PCDHGA9: variants seen among roughly 807,000 people sequenced by gnomAD.
PCDHGA9 encodes the protein protocadherin gamma-A9.
Under a neutral mutation model 62.5 loss-of-function variants are expected in PCDHGA9, and 37 were observed. The ratio of observed to expected loss-of-function variants is 0.59; its 90% confidence interval spans 0.46 to 0.78. The LOEUF (loss-of-function observed/expected upper bound fraction) is 0.78. PCDHGA9 is among the 30% of genes least tolerant of loss of function. The pLI is 0.00. For synonymous variants in PCDHGA9, 459 were observed against 484.6 expected, an observed-to-expected ratio of 0.95 and a Z score of 0.69; for missense variants, 1,138 against 1,166.2, an observed-to-expected ratio of 0.98 and a Z score of 0.35.
intron 1 of PCDHGA9, chr5:141,419,373 T>C: frequency 1.9e-6 from 3 of 1,613,754 alleles, no homozygotes; most frequent in Non-Finnish European, 2.5e-6. Context: ...TCGTCCTACG[T>C]GTCCGTGAGC....
chr5:141,460,912 G>GTGTA (rs145509489), intron 1 of PCDHGA9, among the ~76,000 whole-genome samples: 34,285 of 149,232 alleles, frequency 0.23, 4,672 homozygotes, highest in African/African-American at 0.39. Flanking sequence ...ATTCCATGGT[G>GTGTA]TATATATATA....
At chr5:141,423,577 G>T (rs1348410879) in intron 1 of PCDHGA9, 1 of 1,613,478 alleles carries the variant, frequency 6.2e-7, no homozygotes, top group Admixed American at 1.7e-5. Flanking sequence ...CATCAGCCAG[G>T]AGAGCTGTGA....
chr5:141,426,676 A>T (rs1209949988), intron 1 of PCDHGA9: 4 of 431,700 alleles, frequency 9.3e-6, no homozygotes, highest in Non-Finnish European at 1.9e-5. Context: ...AACCCACCTC[A>T]TTTTCCCCAA....
chr5:141,403,611 C>T lies in PCDHGA9; in HGVS notation c.659C>T (p.Pro220Leu). ...CTCACGGCCTCGGATGGCGGCGAGCCGCGTCGCTCCAGCACAGTGCGCATC... is the reference window on the plus strand; with the variant it reads ...CTCACGGCCTCGGATGGCGGCGAGCTGCGTCGCTCCAGCACAGTGCGCATC... ...LVLTASDGGE[P>L]RRSSTVRIHV... Residue 220 changes from proline (P) to leucine (L), a missense_variant, in exon 1 of 4, where the codon CCG becomes CTG. By Grantham distance (98) the Pro-to-Leu change is moderately conservative. Transcript: ENST00000573521. 6.2e-7 allele frequency: 1 copy of T among 1,613,860 alleles called. No homozygotes were observed.
At chr5:141,469,191 G>A (rs1431459571) in intron 1 of PCDHGA9, among the ~76,000 whole-genome samples, 1 of 151,882 alleles carries the variant, frequency 6.6e-6, no homozygotes, top group Admixed American at 6.6e-5. Flanking sequence ...CAAGAGGATT[G>A]CTTGAGCCTT....
intron 1 of PCDHGA9, among the ~76,000 whole-genome samples, chr5:141,433,809 C>A (rs913637407): frequency 5.3e-5 from 8 of 149,948 alleles, no homozygotes; most frequent in Non-Finnish European, 1.2e-4. Flanking sequence ...TGCACTCCAG[C>A]CTGGGCAACA....
intron 1 of PCDHGA9, chr5:141,427,741 C>T (rs748636652): frequency 8.1e-7 from 1 of 1,240,376 alleles, no homozygotes; most frequent in Non-Finnish European, 1.2e-6. Context: ...GGCCAAGTCT[C>T]CTACTCCATC....
chr5:141,478,517 T>G (rs1593923092), intron 1 of PCDHGA9: 1 of 1,611,116 alleles, frequency 6.2e-7, no homozygotes, highest in Non-Finnish European at 8.5e-7. Context: ...TAGGCAGGTG[T>G]TGGGTGCAGA....
intron 1 of PCDHGA9, chr5:141,423,623 C>T (rs1391650851): frequency 6.2e-7 from 1 of 1,607,330 alleles, no homozygotes; most frequent in South Asian, 1.1e-5. Context: ...GAAGACTCAG[C>T]TATCATTTTA....
intron 1 of PCDHGA9, chr5:141,410,353 C>T: frequency 1.9e-6 from 3 of 1,614,078 alleles, no homozygotes; most frequent in Non-Finnish European, 2.5e-6. Flanking sequence ...GCCTGCGACG[C>T]TCTCTCAGCC....
chr5:141,431,584 G>A lies in PCDHGA9; in HGVS notation c.2424+26208G>A, dbSNP rs201462681. 7 of 1,614,074 alleles carry A rather than the reference G, an allele frequency of 4.3e-6. No homozygotes were observed. The African/African-American group carries it at 9.3e-5, about 22-fold the overall frequency. On this transcript the variant is annotated intron_variant, in intron 1 of 3. Coordinates refer to ENST00000573521, the MANE Select transcript of PCDHGA9 (RefSeq NM_018921.3). The surrounding 1 kb of genome is among the most constrained non-coding windows in gnomAD (Gnocchi z 4.8). ...CCGACCCTGACGAAGGAGTCAATGC[G>A]GAAGTGAGGTATTCCTTCCGGTATG... is the stretch of plus-strand genomic sequence containing the variant.
rs764843194 is a variant in PCDHGA9 at position 141,490,530 on chromosome 5, T to A, written c.2425-4277T>A. 1.2e-6 allele frequency: 2 copies of A among 1,613,794 alleles called. No individual in the cohort carries two copies. Among genetic ancestry groups the A allele is most frequent in the African/African-American group, 2.7e-5 (2 of 74,846 alleles). ...TCGAGCTGCTGGCCAGCGATGCTGG[T>A]TCACCTTCCCTACACAAACATCTCA... On this transcript the variant is annotated intron_variant, in intron 1 of 3. Coordinates refer to ENST00000573521, the MANE Select transcript of PCDHGA9 (RefSeq NM_018921.3). This position sits in a 1 kb window ranked among gnomAD's most constrained non-coding sequence, Gnocchi z 5.4.
intron 1 of PCDHGA9, among the ~76,000 whole-genome samples, chr5:141,438,591 CATATAT>C (rs946798767): frequency 1.2e-3 from 91 of 75,538 alleles, no homozygotes; most frequent in Non-Finnish European, 1.7e-3. Flanking sequence ...TACATACATA[CATATAT>C]ATATATATAT....
rs755177334 is a variant in PCDHGA9, at chr5:141,403,403, C to G, written c.451C>G (p.Arg151Gly). 2 of 1,614,066 alleles carry G rather than the reference C, an allele frequency of 1.2e-6. No homozygotes were observed. The highest frequency in any genetic ancestry group is 1.7e-6 in the Non-Finnish European group (2 of 1,179,908). The stretch of plus-strand genomic sequence containing the variant: ...TAACGAAATCGCGGTTCCTGGAGCA[C>G]GTTATCCACTTCCAGAAGCTATTGA... ...KINEIAVPGA[R>G]YPLPEAIDPD... is the part of the protein sequence containing the mutation. Residue 151 changes from arginine to glycine, a missense_variant, in exon 1 of 4, where the codon CGT becomes GGT. Arg to Gly is a moderately radical substitution (Grantham distance 125). Coordinates refer to ENST00000573521, the MANE Select transcript of PCDHGA9 (RefSeq NM_018921.3).
Position 141,489,352 on chromosome 5 carries a change from G to A in PCDHGA9, c.2425-5455G>A, listed in dbSNP as rs1336068787. 1.9e-6 allele frequency: 3 copies of A among 1,612,152 alleles called. No homozygotes were observed. In the Admixed American group the frequency reaches 5.0e-5, roughly 27 times the overall value. On this transcript the variant is annotated intron_variant, in intron 1 of 3. Transcript: ENST00000573521. The surrounding 1 kb of genome is among the most constrained non-coding windows in gnomAD (Gnocchi z 4.5). ...GCAGCTTCGTTACTCAGTGGTGGAG[G>A]AGTCTGAGCCGGGGACGCTGGTGGG...
chr5:141,505,413 C>T lies in PCDHGA9; in HGVS notation c.2504C>T (p.Thr835Ile), dbSNP rs1240988786. ...CCCAGCTCCCAAAATGGCGATGACA[C>T]CGGCACCTGGCCCAACAACCAGTTT... is the stretch of plus-strand genomic sequence containing the variant. ...GTSGSQNGDD[T>I]GTWPNNQFDT... Residue 835 changes from threonine to isoleucine, a missense_variant, in exon 3 of 4, where the codon ACC becomes ATC. By Grantham distance (89) the Thr-to-Ile change is moderately conservative. Coordinates refer to ENST00000573521, the MANE Select transcript of PCDHGA9 (RefSeq NM_018921.3). 10 of 1,614,202 alleles carry T rather than the reference C, an allele frequency of 6.2e-6. No homozygotes were observed. Among genetic ancestry groups the T allele is most frequent in the Non-Finnish European group, 7.6e-6 (9 of 1,180,046 alleles).
intron 1 of PCDHGA9, among the ~76,000 whole-genome samples, chr5:141,481,215 G>T (rs1238465869): frequency 6.6e-6 from 1 of 152,152 alleles, no homozygotes; most frequent in Non-Finnish European, 1.5e-5. Context: ...AACATGGTAA[G>T]GTCTCCCAGC....
At position 141,402,987 on chromosome 5, in the gene PCDHGA9, G is replaced by GATTA; in HGVS notation, c.36_39dup (p.Val14IlefsTer25). 6.2e-7 allele frequency: 1 copy of GATTA among 1,611,924 alleles called. No homozygotes were observed. The highest frequency in any genetic ancestry group is 8.5e-7 in the Non-Finnish European group (1 of 1,179,222). Reference sequence around the variant, plus strand: ...CCAACCAAATGCCAGCTCCGCGGAAGATTAGTCCTGCTATGCTCGCTCCTG... The same window carrying GATTA: ...CCAACCAAATGCCAGCTCCGCGGAAGATTAATTAGTCCTGCTATGCTCGCTCCTG... On this transcript the variant is annotated frameshift_variant, in exon 1 of 4. Transcript: ENST00000573521. LOFTEE classifies it high-confidence loss of function.
rs56854727 is a variant in PCDHGA9, at chr5:141,438,635, TACACACAC to T, written c.2424+33269_2424+33276del. ...ATATATATATATATATATATATATA[TACACACAC>T]ACACACACATATATGTATATATATA... On this transcript the variant is annotated intron_variant, in intron 1 of 3. Transcript: ENST00000573521. Among the ~76,000 whole-genome samples, 72 of 33,376 alleles carry T rather than the reference TACACACAC, an allele frequency of 2.2e-3. 1 individual carries two copies. Among genetic ancestry groups the T allele is most frequent in the Non-Finnish European group, 3.0e-3 (57 of 18,970 alleles). The allele number at this position is 33,376 out of a possible 152,430, so 21.9% of individuals were successfully genotyped here.
Sources: allele counts gnomAD v4.1 joint callset (sites outside exome capture counted in the v4.1 genomes callset), GRCh38; gene constraint gnomAD v4.1.1; non-coding constraint Gnocchi (gnomAD v3.1); transcripts MANE v1.5; gene names NCBI Gene and HGNC (gene_info 2026-07-23, HGNC 2026-07-21).